The following STX7 variants were observed in gnomAD, a reference collection of about 807,000 sequenced individuals.
The protein encoded by STX7 is syntaxin-7.
STX7 carries 34 observed loss-of-function variants against 39.6 expected under a neutral mutation model. The ratio of observed to expected loss-of-function variants is 0.86; its 90% CI spans 0.65 to 1.14. STX7 has a LOEUF of 1.14. STX7 is among the 50% of genes most tolerant of loss of function. STX7 has a pLI of 0.00. For missense variants in STX7, 284 were observed against 310.4 expected (o/e 0.92, Z 0.64); for synonymous variants, 119 against 99.1 (o/e 1.20, Z -1.19).
chr6:132,448,269 T>C lies in STX7; in HGVS notation c.*12489A>G, dbSNP rs1411103697. The stretch of plus-strand genomic sequence containing the variant: ...TACTTCTTAATATAGACAGTATTTA[T>C]TTACATTTCCCATGATTACTGATTT... On this transcript the variant is annotated 3_prime_UTR_variant, in exon 10 of 10. Transcript: ENST00000367941. 1 of 152,166 alleles carries C rather than the reference T, an allele frequency of 6.6e-6. No homozygotes were observed. The allele number at this position is 152,166 out of a possible 1,614,324, so 9.4% of individuals were successfully genotyped here. A position where few individuals can be genotyped will look rare whatever the true frequency, so the allele number is the denominator to read the frequency against.
intron 1 of STX7, among the ~76,000 whole-genome samples, chr6:132,505,771 T>G (rs1389529494): frequency 2.4e-5 from 3 of 127,328 alleles, no homozygotes; most frequent in African/African-American, 8.7e-5. Flanking sequence ...AAAACACAGG[T>G]TTTGAATAGC....
At chr6:132,494,554 A>G (rs1241648781) in intron 2 of STX7, among the ~76,000 whole-genome samples, 2 of 151,942 alleles carry the variant, frequency 1.3e-5, no homozygotes, top group African/African-American at 4.8e-5. Flanking sequence ...AACCAGTTAC[A>G]TGTAGATCTG....
intron 1 of STX7, among the ~76,000 whole-genome samples, chr6:132,511,649 CA>C (rs1438446309): frequency 6.6e-6 from 1 of 152,166 alleles, no homozygotes; most frequent in East Asian, 1.9e-4. Flanking sequence ...GTATCCTCTG[CA>C]AAAACTACAT....
chr6:132,502,903 A>G (rs1304804329), intron 2 of STX7, among the ~76,000 whole-genome samples: 1 of 152,150 alleles, frequency 6.6e-6, no homozygotes. Context: ...TCTCTAAAAA[A>G]AAAAAAGAAT....
intron 1 of STX7, among the ~76,000 whole-genome samples, chr6:132,507,091 C>A (rs1198469449): frequency 6.6e-6 from 1 of 152,000 alleles, no homozygotes; most frequent in Non-Finnish European, 1.5e-5. Flanking sequence ...GTAAGTGGAA[C>A]CTAAATAATG....
At chr6:132,492,873 AATACC>A (rs1775329858) in intron 2 of STX7, among the ~76,000 whole-genome samples, 1 of 152,262 alleles carries the variant, frequency 6.6e-6, no homozygotes, top group Non-Finnish European at 1.5e-5. Flanking sequence ...GTATATAGGA[AATACC>A]ATACAACTAA....
chr6:132,508,606 C>T (rs1274451406), intron 1 of STX7, among the ~76,000 whole-genome samples: 1 of 152,174 alleles, frequency 6.6e-6, no homozygotes, highest in Non-Finnish European at 1.5e-5. Flanking sequence ...GACTTCCAGG[C>T]TCAGGCAATC....
chr6:132,466,264 A>G (rs1279138478), intron 8 of STX7, among the ~76,000 whole-genome samples: 1 of 152,138 alleles, frequency 6.6e-6, no homozygotes, highest in Non-Finnish European at 1.5e-5. Context: ...CTGACCATCT[A>G]TTGTTCTGGA....
At chr6:132,463,019 C>G (rs1206245208) in intron 9 of STX7, among the ~76,000 whole-genome samples, 1 of 151,964 alleles carries the variant, frequency 6.6e-6, no homozygotes, top group Non-Finnish European at 1.5e-5. Flanking sequence ...CCCAGGAGTT[C>G]CAGACCAGCC....
chr6:132,489,363 A>G (rs1775222064), intron 2 of STX7, among the ~76,000 whole-genome samples: 1 of 152,150 alleles, frequency 6.6e-6, no homozygotes, highest in African/African-American at 2.4e-5. Flanking sequence ...GTAGAGAAAA[A>G]TGTATCATTA....
intron 1 of STX7, among the ~76,000 whole-genome samples, chr6:132,509,312 T>G (rs900255048): frequency 1.3e-5 from 2 of 151,850 alleles, no homozygotes; most frequent in African/African-American, 4.8e-5. Flanking sequence ...ATTAACTGGG[T>G]GTGGTGGCAT....
At chr6:132,490,965 GCAGCACAGCACAGCACAGCACAGCA>G (rs71545037) in intron 2 of STX7, among the ~76,000 whole-genome samples, 1 of 127,456 alleles carries the variant, frequency 7.8e-6, no homozygotes, top group Non-Finnish European at 1.7e-5. Flanking sequence ...GTCCCTCAGT[GCAGCACAGCACAGCACAGCACAGCA>G]CAGCACAGCA....
At chr6:132,499,701 T>C (rs1025568876) in intron 2 of STX7, among the ~76,000 whole-genome samples, 3 of 152,192 alleles carry the variant, frequency 2.0e-5, no homozygotes, top group Non-Finnish European at 4.4e-5. Flanking sequence ...TTTTTTAATG[T>C]TCCAGGCCTC....
At position 132,470,052 on chromosome 6, in the gene STX7, C is replaced by T; in HGVS notation, c.441-5G>A. ...TGCACTTGAGGTTGAGTTTGGCTAACAGAAAAAAATGAATGTGGAAAAAAA... is the reference window on the plus strand; with the variant it reads ...TGCACTTGAGGTTGAGTTTGGCTAATAGAAAAAAATGAATGTGGAAAAAAA... On this transcript the variant is annotated splice_polypyrimidine_tract_variant and splice_region_variant and intron_variant, in intron 6 of 9. Coordinates refer to ENST00000367941, the MANE Select transcript of STX7 (RefSeq NM_003569.3). 1.9e-6 allele frequency: 3 copies of T among 1,568,974 alleles called. No homozygotes were observed. The highest frequency in any genetic ancestry group is 2.6e-6 in the Non-Finnish European group (3 of 1,165,888).
At chr6:132,474,318 T>C (rs928057080) in intron 3 of STX7, among the ~76,000 whole-genome samples, 3 of 152,044 alleles carry the variant, frequency 2.0e-5, no homozygotes, top group Admixed American at 1.3e-4. Flanking sequence ...TTAGAACTTT[T>C]ATGAATTATG....
chr6:132,466,745 G>A (rs1040845399), intron 8 of STX7, among the ~76,000 whole-genome samples: 1 of 152,152 alleles, frequency 6.6e-6, no homozygotes, highest in Non-Finnish European at 1.5e-5. Context: ...TTCACTTGGT[G>A]TAAAGGGGCA....
intron 8 of STX7, 24 bp from the exon 9 acceptor site, chr6:132,464,099 C>T (rs373099042): frequency 6.4e-7 from 1 of 1,571,814 alleles, no homozygotes; most frequent in African/African-American, 1.3e-5. Flanking sequence ...CACACACACA[C>T]AAATGTGTTA....
intron 2 of STX7, among the ~76,000 whole-genome samples, chr6:132,478,023 C>T (rs534942481): frequency 1.3e-5 from 2 of 151,652 alleles, no homozygotes; most frequent in Non-Finnish European, 2.9e-5. Flanking sequence ...GCCTTAAAAA[C>T]AAAAGGTAAA....
intron 9 of STX7, among the ~76,000 whole-genome samples, chr6:132,462,460 T>C (rs549810519): frequency 6.4e-4 from 98 of 152,236 alleles, no homozygotes; most frequent in African/African-American, 2.3e-3. Flanking sequence ...TGGCAGAATA[T>C]CCACATTTCC....
Sources: allele counts gnomAD v4.1 joint callset (sites outside exome capture counted in the v4.1 genomes callset), GRCh38; gene constraint gnomAD v4.1.1; transcripts MANE v1.5; gene names NCBI Gene and HGNC (gene_info 2026-07-23, HGNC 2026-07-21).